NSMCE2: variants seen among roughly 807,000 people sequenced by gnomAD.
The protein encoded by NSMCE2 is E3 SUMO-protein ligase NSE2.
In NSMCE2, 24 loss-of-function variants were observed where a neutral mutation model predicts 23.8. That is an observed-to-expected ratio of 1.01 (90% CI 0.73 to 1.42). The LOEUF (loss-of-function observed/expected upper bound fraction) is 1.42, where lower values mean the gene tolerates loss of function less well. Ranked by LOEUF, NSMCE2 falls within the 40% of genes most tolerant of loss-of-function variation. NSMCE2 has a pLI of 0.00. For synonymous variants in NSMCE2, 92 were observed against 94.1 expected, an observed-to-expected ratio of 0.98 and a Z score of 0.13; for missense variants, 284 against 296.5, an observed-to-expected ratio of 0.96 and a Z score of 0.31.
chr8:125,153,912 G>A (rs1400695980), intron 4 of NSMCE2, among the ~76,000 whole-genome samples: 1 of 152,034 alleles, frequency 6.6e-6, no homozygotes, highest in Non-Finnish European at 1.5e-5. Context: ...TTATTTCAGG[G>A]TATTTTTTTG....
At chr8:125,092,676 C>G (rs1166162668) in intron 1 of NSMCE2, among the ~76,000 whole-genome samples, 1 of 152,072 alleles carries the variant, frequency 6.6e-6, no homozygotes, top group African/African-American at 2.4e-5. Flanking sequence ...TACAAGGCTC[C>G]CATGGATTTA....
intron 7 of NSMCE2, among the ~76,000 whole-genome samples, chr8:125,362,053 G>A (rs1312851183): frequency 6.6e-6 from 1 of 152,224 alleles, no homozygotes; most frequent in Non-Finnish European, 1.5e-5. Flanking sequence ...GCCCTGTGCT[G>A]CAGCGAAATG....
At chr8:125,257,569 T>C (rs1441317395) in intron 5 of NSMCE2, among the ~76,000 whole-genome samples, 8 of 139,544 alleles carry the variant, frequency 5.7e-5, no homozygotes, top group Non-Finnish European at 1.2e-4. Flanking sequence ...AGTCTCGCTC[T>C]GTCGCCCAGG....
chr8:125,130,177 G>T (rs1819695205), intron 3 of NSMCE2: 1 of 452,512 alleles, frequency 2.2e-6, no homozygotes, highest in Non-Finnish European at 4.4e-6. Flanking sequence ...GCTGGAGTTT[G>T]TCTGATGTCT....
intron 5 of NSMCE2, among the ~76,000 whole-genome samples, chr8:125,346,031 C>G (rs933119402): frequency 6.6e-6 from 1 of 152,198 alleles, no homozygotes; most frequent in Non-Finnish European, 1.5e-5. Context: ...GTGGCACATG[C>G]CTGTAATCCC....
chr8:125,267,901 G>A (rs1382366863), intron 5 of NSMCE2, among the ~76,000 whole-genome samples: 1 of 152,078 alleles, frequency 6.6e-6, no homozygotes, highest in Non-Finnish European at 1.5e-5. Flanking sequence ...GAAGGAAAGA[G>A]AAAGCAGAGA....
chr8:125,274,999 G>GATGATAATAATAATA (rs779965998), intron 5 of NSMCE2, among the ~76,000 whole-genome samples: 1 of 142,420 alleles, frequency 7.0e-6, no homozygotes, highest in African/African-American at 2.6e-5. Context: ...ATCTGAAGAT[G>GATGATAATAATAATA]ATAATAATAA....
intron 5 of NSMCE2, among the ~76,000 whole-genome samples, chr8:125,349,583 TAAA>T (rs11359401): frequency 3.0e-4 from 43 of 143,796 alleles, no homozygotes; most frequent in Non-Finnish European, 3.2e-4. Context: ...AGCTTGTATT[TAAA>T]AAAAAAAAAA....
chr8:125,328,733 A>G (rs1018358735), intron 5 of NSMCE2, among the ~76,000 whole-genome samples: 3 of 151,904 alleles, frequency 2.0e-5, no homozygotes, highest in Admixed American at 6.5e-5. Context: ...AACAGTAGCA[A>G]CCTTTTCATT....
At chr8:125,106,105 G>A (rs1298709831) in intron 3 of NSMCE2, among the ~76,000 whole-genome samples, 2 of 151,334 alleles carry the variant, frequency 1.3e-5, no homozygotes, top group African/African-American at 4.9e-5. Context: ...AAATAACAAA[G>A]TAGTCAACAT....
intron 5 of NSMCE2, among the ~76,000 whole-genome samples, chr8:125,300,583 A>G (rs1828520443): frequency 6.6e-6 from 1 of 152,194 alleles, no homozygotes; most frequent in African/African-American, 2.4e-5. Context: ...TCATTTATTG[A>G]GCATCTCTTA....
intron 5 of NSMCE2, among the ~76,000 whole-genome samples, chr8:125,231,698 A>G (rs1460871342): frequency 2.0e-5 from 3 of 152,220 alleles, no homozygotes; most frequent in Admixed American, 6.5e-5. Context: ...ACAGTTGTAT[A>G]TACTGGGTTA....
At position 125,357,272 on chromosome 8, in the gene NSMCE2, A is replaced by G; in HGVS notation, c.472A>G (p.Ile158Val). 9 of 1,613,922 alleles carry G rather than the reference A, an allele frequency of 5.6e-6. No homozygotes were observed. Among genetic ancestry groups the G allele is most frequent in the Non-Finnish European group, 7.6e-6 (9 of 1,179,764 alleles). ...ADGTEGVDED[I>V]IVTQSQTNFT... is the part of the protein sequence containing the mutation. Reference sequence around the variant, plus strand: ...CGGAACAGAAGGAGTGGATGAAGATATAATTGTGACCCAAAGTCAGACCAA... The same window carrying G: ...CGGAACAGAAGGAGTGGATGAAGATGTAATTGTGACCCAAAGTCAGACCAA... The change falls in exon 6 of 8, where the codon ATA (isoleucine) becomes GTA (valine). Residue 158 changes from isoleucine (I) to valine (V), a missense_variant. Physicochemically the swap from Ile to Val is conservative, Grantham distance 29. Transcript: ENST00000287437.
chr8:125,095,225 A>G (rs1436164104), intron 1 of NSMCE2, among the ~76,000 whole-genome samples: 1 of 152,186 alleles, frequency 6.6e-6, no homozygotes, highest in Non-Finnish European at 1.5e-5. Context: ...CGTTTTCATC[A>G]CAGAAAGTTC....
intron 5 of NSMCE2, among the ~76,000 whole-genome samples, chr8:125,198,806 C>G (rs993534086): frequency 1.3e-5 from 2 of 152,182 alleles, no homozygotes; most frequent in African/African-American, 2.4e-5. Context: ...GGCTGTGAAT[C>G]TGTCTGGTCC....
chr8:125,164,777 A>G (rs1164855748), intron 4 of NSMCE2, among the ~76,000 whole-genome samples: 1 of 152,206 alleles, frequency 6.6e-6, no homozygotes, highest in Non-Finnish European at 1.5e-5. Flanking sequence ...TTCTAGTTTT[A>G]ATGATATGGT....
intron 1 of NSMCE2, among the ~76,000 whole-genome samples, chr8:125,093,849 T>C (rs184207975): frequency 1.2e-3 from 184 of 152,312 alleles, no homozygotes; most frequent in Admixed American, 5.4e-3. Flanking sequence ...CAGGCTAGAA[T>C]GCAGTAGCAT....
chr8:125,183,634 G>GGTGTGTGTGTGTGTGTGTGTGTGTGT (rs59285361), intron 5 of NSMCE2, among the ~76,000 whole-genome samples: 27 of 147,500 alleles, frequency 1.8e-4, no homozygotes, highest in African/African-American at 6.8e-4. Context: ...ATTACTCAGT[G>GGTGTGTGTGTGTGTGTGTGTGTGTGT]GTGTGTGTGT....
chr8:125,318,359 C>T (rs760294716), intron 5 of NSMCE2, among the ~76,000 whole-genome samples: 4 of 152,070 alleles, frequency 2.6e-5, no homozygotes, highest in Non-Finnish European at 5.9e-5. Flanking sequence ...GCCAAGATCG[C>T]GCCACTGCAC....
Sources: allele counts gnomAD v4.1 joint callset (sites outside exome capture counted in the v4.1 genomes callset), GRCh38; gene constraint gnomAD v4.1.1; transcripts MANE v1.5; gene names NCBI Gene and HGNC (gene_info 2026-07-23, HGNC 2026-07-21).